Variants in FAM107B observed in about 807,000 individuals in gnomAD.
FAM107B encodes the protein family with sequence similarity 107 member B.
In FAM107B, 21 loss-of-function variants were observed where a neutral mutation model predicts 31.5. The ratio of observed to expected loss-of-function variants is 0.67; its 90% CI spans 0.47 to 0.96. The LOEUF (loss-of-function observed/expected upper bound fraction) is 0.96. FAM107B is among the 40% of genes least tolerant of loss of function. The pLI is 0.00. For synonymous variants in FAM107B, 157 were observed against 141.5 expected (o/e 1.11, Z -0.78); for missense variants, 452 against 377.1 (o/e 1.20, Z -1.64).
chr10:14,635,360 G>A (rs563741790), intron 2 of FAM107B, among the ~76,000 whole-genome samples: 3 of 152,208 alleles, frequency 2.0e-5, no homozygotes, highest in South Asian at 2.1e-4. Flanking sequence ...ATTAGACTTC[G>A]AACAGCCCAC....
chr10:14,691,891 C>CGCA (rs765508071), intron 1 of FAM107B, among the ~76,000 whole-genome samples: 32,195 of 102,668 alleles, frequency 0.31, 4,309 homozygotes, highest in Admixed American at 0.39. Flanking sequence ...GAGACTCTGT[C>CGCA]ACAAAAAAAA....
At chr10:14,748,999 A>G (rs1832777946) in intron 1 of FAM107B, among the ~76,000 whole-genome samples, 2 of 152,110 alleles carry the variant, frequency 1.3e-5, no homozygotes, top group African/African-American at 4.8e-5. Flanking sequence ...ATCTGATTAT[A>G]CCTTTGGGAT....
chr10:14,630,622 G>A (rs57098572), intron 2 of FAM107B, among the ~76,000 whole-genome samples: 3,738 of 152,030 alleles, frequency 0.025, 80 homozygotes, highest in African/African-American at 0.052. Flanking sequence ...CCAGGAGTTC[G>A]AGACCAGTCT....
chr10:14,733,457 C>T (rs974802725), intron 1 of FAM107B, among the ~76,000 whole-genome samples: 2 of 152,132 alleles, frequency 1.3e-5, no homozygotes, highest in Non-Finnish European at 2.9e-5. Flanking sequence ...GTAAGATACG[C>T]TTGTTTTACC....
At chr10:14,658,788 C>T (rs980226723) in intron 2 of FAM107B, among the ~76,000 whole-genome samples, 4 of 152,218 alleles carry the variant, frequency 2.6e-5, no homozygotes, top group Non-Finnish European at 5.9e-5. Context: ...ATATGTCAGG[C>T]TCCATCCTAG....
intron 2 of FAM107B, among the ~76,000 whole-genome samples, chr10:14,627,537 G>C (rs1034460164): frequency 5.9e-5 from 9 of 152,246 alleles, no homozygotes; most frequent in African/African-American, 2.2e-4. Flanking sequence ...ACTTTGGAAG[G>C]CCAAAGTAGG....
At chr10:14,706,247 C>T (rs898889568) in intron 1 of FAM107B, among the ~76,000 whole-genome samples, 1 of 152,156 alleles carries the variant, frequency 6.6e-6, no homozygotes, top group African/African-American at 2.4e-5. Flanking sequence ...CTCACTCTGT[C>T]ACCCAGGTGG....
chr10:14,678,124 G>A (rs555066814), intron 1 of FAM107B, among the ~76,000 whole-genome samples: 9 of 152,318 alleles, frequency 5.9e-5, no homozygotes, highest in Non-Finnish European at 1.3e-4. Context: ...TCCGGAGTCT[G>A]TGCTGACAAA....
chr10:14,547,999 C>T (rs1025028754), intron 2 of FAM107B, among the ~76,000 whole-genome samples: 31 of 152,210 alleles, frequency 2.0e-4, no homozygotes, highest in Admixed American at 1.1e-3. Context: ...TTTCCCACTT[C>T]CCTCTCTTCA....
chr10:14,737,679 A>T (rs1315290914), intron 1 of FAM107B, among the ~76,000 whole-genome samples: 5 of 152,106 alleles, frequency 3.3e-5, no homozygotes, highest in African/African-American at 1.2e-4. Context: ...AAATGACCTA[A>T]GAAAAACTTA....
At chr10:14,706,005 A>G (rs12777103) in intron 1 of FAM107B, among the ~76,000 whole-genome samples, 39,587 of 152,084 alleles carry the variant, frequency 0.26, 5,605 homozygotes, top group Middle Eastern at 0.41. Flanking sequence ...CCTATACAAT[A>G]GGAGCTATCA....
chr10:14,710,408 AT>A (rs1442632634), intron 1 of FAM107B, among the ~76,000 whole-genome samples: 1 of 150,844 alleles, frequency 6.6e-6, no homozygotes, highest in African/African-American at 2.5e-5. Flanking sequence ...ATATATACAT[AT>A]TTTTTTGCCT....
intron 2 of FAM107B, among the ~76,000 whole-genome samples, chr10:14,583,106 A>G (rs371125958): frequency 6.6e-6 from 1 of 151,050 alleles, no homozygotes; most frequent in East Asian, 1.9e-4. Context: ...AAAAAAAAAG[A>G]AAAGAAAGAA....
Position 14,612,048 on chromosome 10 carries a change from T to C in FAM107B, c.469+55586A>G, listed in dbSNP as rs189262004. Among the ~76,000 whole-genome samples the C allele has an allele frequency of 1.3e-3, 193 of 151,738 alleles. 4 individuals are homozygous for C. In the East Asian group the frequency reaches 0.027, roughly 21 times the overall value. On this transcript the variant is annotated intron_variant, in intron 2 of 4. Transcript: ENST00000181796. ...TTTATATAAAAAGTTCCAGCTTTAG[T>C]TGTTGTGCTCCCCAGGCTTGTCTGG...
At chr10:14,698,790 G>A (rs1455703054) in intron 1 of FAM107B, among the ~76,000 whole-genome samples, 1 of 152,200 alleles carries the variant, frequency 6.6e-6, no homozygotes, top group African/African-American at 2.4e-5. Flanking sequence ...CCCTCTTTGA[G>A]CCTGAGACAT....
chr10:14,666,262 T>C (rs1180836436), intron 2 of FAM107B, among the ~76,000 whole-genome samples: 1 of 152,170 alleles, frequency 6.6e-6, no homozygotes, highest in Non-Finnish European at 1.5e-5. Context: ...TGACTCACAG[T>C]TCTGCAGGGC....
At chr10:14,759,221 T>TA (rs1554756940) in intron 1 of FAM107B, among the ~76,000 whole-genome samples, 1 of 150,906 alleles carries the variant, frequency 6.6e-6, no homozygotes, top group South Asian at 2.1e-4. Context: ...AATAAATAAA[T>TA]AAAAAGCAGC....
intron 2 of FAM107B, among the ~76,000 whole-genome samples, chr10:14,659,021 C>T (rs1162393767): frequency 6.6e-6 from 1 of 152,172 alleles, no homozygotes; most frequent in African/African-American, 2.4e-5. Context: ...AAAACAAAGA[C>T]CCAACAGAAG....
chr10:14,746,222 A>T (rs902988432), intron 1 of FAM107B, among the ~76,000 whole-genome samples: 11 of 152,164 alleles, frequency 7.2e-5, no homozygotes, highest in African/African-American at 2.4e-4. Context: ...TTGAATCAGC[A>T]CACCAATGGG....
Sources: gnomAD v4.1 joint callset for allele counts (sites outside exome capture counted in the v4.1 genomes callset) on GRCh38, gnomAD v4.1.1 for gene constraint, MANE v1.5 for transcripts, NCBI Gene and HGNC (gene_info 2026-07-23, HGNC 2026-07-21) for gene names.